The following MSRA variants were observed in gnomAD, a reference collection of about 807,000 sequenced individuals.
MSRA encodes the protein mitochondrial peptide methionine sulfoxide reductase.
In MSRA, 54 loss-of-function variants were observed where a neutral mutation model predicts 31.3. The observed-to-expected ratio is 1.73, with a 90% CI of 1.39 to 2.17. The LOEUF (loss-of-function observed/expected upper bound fraction) is 2.17, where lower values mean the gene tolerates loss of function less well. MSRA is among the 30% of genes most tolerant of loss of function. MSRA has a pLI of 0.00. For missense variants in MSRA, 507 were observed against 300.9 expected (o/e 1.69, Z -5.07); for synonymous variants, 169 against 116.5 (o/e 1.45, Z -2.90).
chr8:10,386,872 TAA>T (rs61367767), intron 5 of MSRA, among the ~76,000 whole-genome samples: 13,818 of 132,854 alleles, frequency 0.1, 734 homozygotes, highest in Non-Finnish European at 0.14. Context: ...GTGGATTATT[TAA>T]AAAAAAAAAA....
intron 1 of MSRA, among the ~76,000 whole-genome samples, chr8:10,111,051 G>A (rs181902145): frequency 1.2e-4 from 18 of 152,316 alleles, no homozygotes; most frequent in Non-Finnish European, 1.6e-4. Flanking sequence ...TCAAGGAAGT[G>A]TCAGAACTTC....
intron 1 of MSRA, among the ~76,000 whole-genome samples, chr8:10,191,399 C>G (rs1385278116): frequency 1.3e-5 from 2 of 152,148 alleles, no homozygotes; most frequent in African/African-American, 4.8e-5. Flanking sequence ...TTTGGAAAAA[C>G]ATTTTTCTTC....
intron 1 of MSRA, among the ~76,000 whole-genome samples, chr8:10,115,555 C>T (rs1172401045): frequency 6.6e-6 from 1 of 152,198 alleles, no homozygotes; most frequent in Non-Finnish European, 1.5e-5. Context: ...TAATTTGTTG[C>T]CACACGGCCC....
intron 1 of MSRA, among the ~76,000 whole-genome samples, chr8:10,101,680 C>T (rs1799538960): frequency 2.0e-5 from 3 of 152,166 alleles, no homozygotes; most frequent in South Asian, 4.1e-4. Flanking sequence ...AGCATAATGT[C>T]CTCAGGATTC....
At chr8:10,071,981 C>T (rs7812824) in intron 1 of MSRA, among the ~76,000 whole-genome samples, 8,877 of 152,080 alleles carry the variant, frequency 0.058, 855 homozygotes, top group African/African-American at 0.2. Flanking sequence ...AGGGGTCCCT[C>T]GTGGCTGCCC....
intron 1 of MSRA, among the ~76,000 whole-genome samples, chr8:10,098,463 C>T (rs1563435649): frequency 6.6e-6 from 1 of 152,090 alleles, no homozygotes; most frequent in Non-Finnish European, 1.5e-5. Flanking sequence ...TTCATTTATT[C>T]AACAAATGTT....
chr8:10,273,445 T>C (rs1194475145), intron 3 of MSRA, among the ~76,000 whole-genome samples: 2 of 152,224 alleles, frequency 1.3e-5, no homozygotes, highest in African/African-American at 4.8e-5. Flanking sequence ...ATTTCATCTT[T>C]TGTAAAATGG....
intron 5 of MSRA, among the ~76,000 whole-genome samples, chr8:10,416,743 G>A (rs775228793): frequency 8.5e-5 from 13 of 152,222 alleles, no homozygotes; most frequent in Non-Finnish European, 1.6e-4. Flanking sequence ...GATTCGGTAC[G>A]TCTGGGGAAG....
intron 3 of MSRA, among the ~76,000 whole-genome samples, chr8:10,280,086 A>C (rs564112319): frequency 2.0e-5 from 3 of 152,082 alleles, no homozygotes; most frequent in Non-Finnish European, 4.4e-5. Context: ...TTTTCTAAGA[A>C]ATTTTTGACG....
At chr8:10,416,087 C>T (rs1222713839) in intron 5 of MSRA, among the ~76,000 whole-genome samples, 2 of 152,112 alleles carry the variant, frequency 1.3e-5, no homozygotes, top group Non-Finnish European at 2.9e-5. Flanking sequence ...CCTGCCTGAG[C>T]CTGCTTCCCC....
intron 5 of MSRA, among the ~76,000 whole-genome samples, chr8:10,355,128 C>T (rs1402668395): frequency 2.0e-5 from 3 of 152,196 alleles, no homozygotes; most frequent in Admixed American, 6.5e-5. Flanking sequence ...GGCCGGGTTC[C>T]GTGCACCTCC....
At chr8:10,118,615 C>T (rs1206860975) in intron 1 of MSRA, among the ~76,000 whole-genome samples, 2 of 152,138 alleles carry the variant, frequency 1.3e-5, no homozygotes, top group Non-Finnish European at 2.9e-5. Flanking sequence ...TCCGCCCACA[C>T]CCTGGGCTCC....
intron 1 of MSRA, among the ~76,000 whole-genome samples, chr8:10,147,849 C>A (rs549227272): frequency 6.6e-6 from 1 of 152,218 alleles, no homozygotes; most frequent in African/African-American, 2.4e-5. Flanking sequence ...GCGAGTTCAC[C>A]GCCCTTCGAC....
rs576697587 is a variant in MSRA at position 10,109,586 on chromosome 8, C to T, written c.142+54928C>T. ...CGAATTCCTGAACTCAAGTGATCTA[C>T]CCATCTTGGCCTCCCAAAGTGCTGG... On this transcript the variant is annotated intron_variant, in intron 1 of 5. Transcript: ENST00000317173. Among the ~76,000 whole-genome samples the T allele has an allele frequency of 8.9e-4, 136 of 152,282 alleles. 1 individual carries two copies. The highest frequency in any genetic ancestry group is 7.9e-3 in the Admixed American group (121 of 15,294).
chr8:10,390,281 G>A (rs1020401119), intron 5 of MSRA, among the ~76,000 whole-genome samples: 34 of 152,322 alleles, frequency 2.2e-4, no homozygotes, highest in African/African-American at 8.2e-4. Context: ...GTGGCCACAT[G>A]GGCGTGGCCT....
At chr8:10,094,713 T>G (rs1296555748) in intron 1 of MSRA, among the ~76,000 whole-genome samples, 1 of 152,186 alleles carries the variant, frequency 6.6e-6, no homozygotes, top group Non-Finnish European at 1.5e-5. Context: ...ACCAGGTAAG[T>G]GTGTGAAGCA....
intron 1 of MSRA, among the ~76,000 whole-genome samples, chr8:10,204,063 A>C (rs1808733936): frequency 6.6e-6 from 1 of 152,162 alleles, no homozygotes; most frequent in African/African-American, 2.4e-5. Flanking sequence ...AAAATTTAAA[A>C]AGTAAAAAAT....
At chr8:10,272,671 C>T (rs1325333072) in intron 3 of MSRA, among the ~76,000 whole-genome samples, 6 of 152,024 alleles carry the variant, frequency 3.9e-5, no homozygotes, top group African/African-American at 1.2e-4. Flanking sequence ...CTCTTACTCG[C>T]GCTTTAAGAC....
chr8:10,392,521 G>C (rs1002194634), intron 5 of MSRA, among the ~76,000 whole-genome samples: 2 of 152,044 alleles, frequency 1.3e-5, no homozygotes, highest in Non-Finnish European at 2.9e-5. Flanking sequence ...CCCTTCCTCT[G>C]TCTCTGGGGA....
Sources: allele counts gnomAD v4.1 joint callset (sites outside exome capture counted in the v4.1 genomes callset), GRCh38; gene constraint gnomAD v4.1.1; transcripts MANE v1.5; gene names NCBI Gene and HGNC (gene_info 2026-07-23, HGNC 2026-07-21).